MEGF9: variants seen among roughly 807,000 people sequenced by gnomAD.
MEGF9 encodes multiple EGF like domains 9.
In MEGF9, 6 loss-of-function variants were observed where a neutral mutation model predicts 46.8. The observed-to-expected ratio is 0.13, with a 90% CI of 0.07 to 0.25. The LOEUF (loss-of-function observed/expected upper bound fraction) is 0.25, where lower values mean the gene tolerates loss of function less well. Ranked by LOEUF, MEGF9 falls within the 10% of genes least tolerant of loss-of-function variation. MEGF9 has a pLI of 1.00. For missense variants in MEGF9, 683 were observed against 792.4 expected (o/e 0.86, Z 1.66); for synonymous variants, 302 against 330.7 (o/e 0.91, Z 0.94).
intron 1 of MEGF9, among the ~76,000 whole-genome samples, chr9:120,702,956 C>T (rs2043911961): frequency 6.6e-6 from 1 of 152,194 alleles, no homozygotes; most frequent in South Asian, 2.1e-4. Context: ...AACTTAGGAT[C>T]CCACATCTTA....
At chr9:120,691,921 T>C (rs1307700734) in intron 1 of MEGF9, among the ~76,000 whole-genome samples, 3 of 152,182 alleles carry the variant, frequency 2.0e-5, no homozygotes, top group Non-Finnish European at 2.9e-5. Context: ...CAGTATAATA[T>C]GGTACGGAAT....
At chr9:120,693,966 G>T (rs2043862620) in intron 1 of MEGF9, among the ~76,000 whole-genome samples, 1 of 152,108 alleles carries the variant, frequency 6.6e-6, no homozygotes, top group African/African-American at 2.4e-5. Flanking sequence ...GGACAGAGCA[G>T]TATGTGAGGA....
intron 2 of MEGF9, among the ~76,000 whole-genome samples, chr9:120,656,230 C>T (rs554703450): frequency 6.6e-6 from 1 of 152,104 alleles, no homozygotes; most frequent in Non-Finnish European, 1.5e-5. Flanking sequence ...TAATAATGTT[C>T]TCCTCAAGGG....
At chr9:120,703,229 C>T (rs1030220793) in intron 1 of MEGF9, among the ~76,000 whole-genome samples, 5 of 152,188 alleles carry the variant, frequency 3.3e-5, no homozygotes, top group Admixed American at 6.6e-5. Context: ...TTATTTTCCT[C>T]AAGAATACAA....
chr9:120,622,503 A>T, intron 3 of MEGF9, 113 bp downstream of exon 3: 1 of 1,070,230 alleles, frequency 9.3e-7, no homozygotes, highest in African/African-American at 1.6e-5. Flanking sequence ...CATCCTACTT[A>T]GAAGATAAAG....
At position 120,713,959 on chromosome 9, in the gene MEGF9, A is replaced by G; in HGVS notation, c.400T>C (p.Ser134Pro). ...CTGGTCGGCGCCTGAGAGGTGGTCG[A>G]AGTGCGTTCCGCCGCCGGAGGGGTG... is the stretch of plus-strand genomic sequence containing the variant. The part of the protein sequence containing the change: ...PTTPPAAERT[S>P]TTSQAPTRPA... Residue 134 changes from serine (S) to proline (P), a missense_variant, in exon 1 of 6, where the codon TCG becomes CCG. Around this residue, in one of 2 missense-constraint regions of MEGF9, gnomAD observed 370 missense variants for 371.3 expected, o/e 1.00. Coordinates refer to ENST00000373930, the MANE Select transcript of MEGF9 (RefSeq NM_001080497.3). 1 of 1,380,952 alleles carries G rather than the reference A, an allele frequency of 7.2e-7. No individual in the cohort carries two copies. Among genetic ancestry groups the G allele is most frequent in the Non-Finnish European group, 9.4e-7 (1 of 1,063,718 alleles). 85.5% of individuals were successfully genotyped at this position (1,380,952 alleles called of 1,614,324 possible). A position where few individuals can be genotyped will look rare whatever the true frequency, so the allele number is the denominator to read the frequency against.
chr9:120,660,358 C>T (rs924358132), intron 1 of MEGF9, among the ~76,000 whole-genome samples: 1 of 152,118 alleles, frequency 6.6e-6, no homozygotes, highest in African/African-American at 2.4e-5. Flanking sequence ...TCAGGATAAA[C>T]GGTGTGTCCA....
At chr9:120,695,844 C>T (rs1564430029) in intron 1 of MEGF9, among the ~76,000 whole-genome samples, 1 of 152,174 alleles carries the variant, frequency 6.6e-6, no homozygotes, top group Non-Finnish European at 1.5e-5. Flanking sequence ...CTTGATACCG[C>T]ATCACGTAGG....
chr9:120,608,038 AG>A, intron 4 of MEGF9, 28 bp from the exon 5 acceptor site: 1 of 1,609,204 alleles, frequency 6.2e-7, no homozygotes, highest in Non-Finnish European at 8.5e-7. Context: ...AAAATAGTTT[AG>A]TACAGTCTGA....
chr9:120,679,658 G>T (rs1317471620), intron 1 of MEGF9, among the ~76,000 whole-genome samples: 1 of 151,852 alleles, frequency 6.6e-6, no homozygotes, highest in African/African-American at 2.4e-5. Flanking sequence ...AGAGACTCTG[G>T]CCAGCGCAGT....
At chr9:120,679,795 G>C (rs145887419) in intron 1 of MEGF9, among the ~76,000 whole-genome samples, 30 of 151,968 alleles carry the variant, frequency 2.0e-4, no homozygotes, top group African/African-American at 7.2e-4. Context: ...AAAATTAGCC[G>C]GGTGTGGTGG....
intron 2 of MEGF9, among the ~76,000 whole-genome samples, chr9:120,628,507 G>T (rs1237103231): frequency 8.6e-6 from 1 of 116,180 alleles, no homozygotes; most frequent in African/African-American, 3.1e-5. Context: ...AGAGACAGAG[G>T]ACAGTTTATT....
At chr9:120,684,856 C>T (rs1409044272) in intron 1 of MEGF9, among the ~76,000 whole-genome samples, 4 of 149,814 alleles carry the variant, frequency 2.7e-5, no homozygotes, top group African/African-American at 4.9e-5. Context: ...TTTTTTGAGA[C>T]GGAGTCTCGC....
chr9:120,647,964 T>C (rs2043632932), intron 2 of MEGF9, among the ~76,000 whole-genome samples: 1 of 152,194 alleles, frequency 6.6e-6, no homozygotes, highest in Admixed American at 6.5e-5. Context: ...CAAGCAACCA[T>C]TTAGTACTGT....
At position 120,607,863 on chromosome 9, in the gene MEGF9, G is replaced by A; in HGVS notation, c.1235C>T (p.Pro412Leu). ...CHGHVDPVKT[P>L]KICKPESGEC... The stretch of plus-strand genomic sequence containing the variant: ...ACCACTCTCGGGCTTACAAATCTTT[G>A]GAGTTTTAACTGGGTCCACATGGCC... The change falls in exon 5 of 6, where the codon CCA becomes CTA. Residue 412 changes from proline to leucine, a missense_variant. Pro to Leu is a moderately conservative substitution (Grantham distance 98). Around this residue, in one of 2 missense-constraint regions of MEGF9, gnomAD observed 313 missense variants for 421.1 expected, o/e 0.74. Coordinates refer to ENST00000373930, the MANE Select transcript of MEGF9 (RefSeq NM_001080497.3). 4 of 1,613,990 alleles carry A rather than the reference G, an allele frequency of 2.5e-6. No individual in the cohort carries two copies. In the South Asian group the frequency reaches 4.4e-5, roughly 18 times the overall value.
chr9:120,608,021 G>C lies in MEGF9; in HGVS notation c.1088-11C>G. 6.2e-7 allele frequency: 1 copy of C among 1,613,076 alleles called. No individual in the cohort carries two copies. The highest frequency in any genetic ancestry group is 8.5e-7 in the Non-Finnish European group (1 of 1,179,062). Reference sequence around the variant, plus strand: ...CCAATTCACTCGATTCTAAAAGAGAGAATGCCAAAATAGTTTAGTACAGTC... The same window carrying C: ...CCAATTCACTCGATTCTAAAAGAGACAATGCCAAAATAGTTTAGTACAGTC... On this transcript the variant is annotated splice_polypyrimidine_tract_variant and intron_variant, in intron 4 of 5. Transcript: ENST00000373930.
rs751904858 is a variant in MEGF9 at position 120,607,917 on chromosome 9, T to C, written c.1181A>G (p.Asp394Gly). 7 of 1,614,032 alleles carry C rather than the reference T, an allele frequency of 4.3e-6. No individual in the cohort carries two copies. In the South Asian group the frequency reaches 6.6e-5, roughly 15 times the overall value. Residue 394 changes from aspartate (D) to glycine (G), a missense_variant, in exon 5 of 6, where the codon GAC becomes GGC. Around this residue, in one of 2 missense-constraint regions of MEGF9, gnomAD observed 313 missense variants for 421.1 expected, o/e 0.74. Transcript: ENST00000373930. The part of the protein sequence containing the change: ...NKCENGYYNF[D>G]SICRKCQCHG... ...ACATTGGCACTTTCTACAGATGCTG[T>C]CAAAATTGTAATAGCCATTTTCACA...
chr9:120,705,701 T>A (rs2132345739), intron 1 of MEGF9, among the ~76,000 whole-genome samples: 1 of 152,282 alleles, frequency 6.6e-6, no homozygotes, highest in East Asian at 1.9e-4. Context: ...AGTAAACCTT[T>A]ACTATGATTC....
At chr9:120,664,397 T>A (rs1167517639) in intron 1 of MEGF9, among the ~76,000 whole-genome samples, 1 of 152,192 alleles carries the variant, frequency 6.6e-6, no homozygotes, top group Admixed American at 6.5e-5. Flanking sequence ...AAATTATCTG[T>A]AATGCTCAAG....
Sources: allele counts gnomAD v4.1 joint callset (sites outside exome capture counted in the v4.1 genomes callset), GRCh38; gene constraint gnomAD v4.1.1; regional missense constraint gnomAD v4.1.1; transcripts MANE v1.5; gene names NCBI Gene and HGNC (gene_info 2026-07-23, HGNC 2026-07-21).